The following OPHN1 variants were observed in gnomAD, a reference collection of about 807,000 sequenced individuals.
OPHN1 encodes oligophrenin-1.
A neutral mutation model predicts 60.7 loss-of-function variants in OPHN1; 11 were observed. That is an observed-to-expected ratio of 0.18 (90% CI 0.11 to 0.30). The LOEUF (loss-of-function observed/expected upper bound fraction) is 0.30. OPHN1 is among the 10% of genes least tolerant of loss of function. The probability of loss-of-function intolerance (pLI) is 1.00; values close to 1 mark genes in which losing one functional copy is unlikely to be tolerated. For synonymous variants in OPHN1, 226 were observed against 222.6 expected, an observed-to-expected ratio of 1.02 and a Z score of -0.14; for missense variants, 449 against 611.0, an observed-to-expected ratio of 0.73 and a Z score of 2.80.
intron 5 of OPHN1, among the ~76,000 whole-genome samples, chrX:68,241,437 C>T (rs1490331149): frequency 1.8e-5 from 2 of 111,479 alleles, no homozygotes; most frequent in Admixed American, 9.5e-5. Context: ...TGTAATGGAA[C>T]ATTATGAGTC....
At chrX:68,093,698 C>T (rs2077027141) in intron 19 of OPHN1, among the ~76,000 whole-genome samples, 1 of 111,399 alleles carries the variant, frequency 9.0e-6, no homozygotes, top group African/African-American at 3.3e-5. Context: ...AACATCTTTT[C>T]ATATACTTAA....
chrX:68,374,934 A>G (rs2078548716), intron 2 of OPHN1, among the ~76,000 whole-genome samples: 1 of 112,144 alleles, frequency 8.9e-6, no homozygotes, highest in African/African-American at 3.2e-5. Context: ...CTTCACACCT[A>G]TTAGCAAGGC....
At chrX:68,071,726 G>A in intron 20 of OPHN1, 1 of 495,021 alleles carries the variant, frequency 2.0e-6, no homozygotes, top group Non-Finnish European at 3.7e-6. Flanking sequence ...GCTGCCCTTT[G>A]ACGTCTGGTT....
chrX:68,193,076 T>C (rs1725088959), intron 14 of OPHN1, 83 bp from the exon 15 acceptor site: 3 of 719,263 alleles, frequency 4.2e-6, no homozygotes, highest in Non-Finnish European at 2.2e-6. Flanking sequence ...TCAATTCAGA[T>C]AGGAAGGGGT....
chrX:68,397,355 T>C (rs2078689912), intron 2 of OPHN1, among the ~76,000 whole-genome samples: 1 of 109,675 alleles, frequency 9.1e-6, no homozygotes, highest in African/African-American at 3.3e-5. Flanking sequence ...ATTAACTTTT[T>C]CAATTGCAAC....
At chrX:68,209,040 C>T (rs959096275) in intron 9 of OPHN1, among the ~76,000 whole-genome samples, 2 of 112,294 alleles carry the variant, frequency 1.8e-5, no homozygotes, top group African/African-American at 6.5e-5. Context: ...AATTTCACTA[C>T]CGTAGTGTCA....
rs762257919 is a variant in OPHN1, at chrX:68,097,047, G to C, written c.1527-18C>G. 4.2e-6 allele frequency: 5 copies of C among 1,198,433 alleles called. No homozygotes were observed. In the South Asian group the frequency reaches 9.1e-5, roughly 22 times the overall value. ...CACACACACTGCCAGAAGAAAAGGG[G>C]CAAGATTAACAAAATTTGCTCCAGT... On this transcript the variant is annotated intron_variant, in intron 18 of 24. Coordinates refer to ENST00000355520, the MANE Select transcript of OPHN1 (RefSeq NM_002547.3).
At chrX:68,336,045 C>T (rs778776105) in intron 2 of OPHN1, among the ~76,000 whole-genome samples, 14 of 111,234 alleles carry the variant, frequency 1.3e-4, no homozygotes, top group Middle Eastern at 4.6e-3. Context: ...GTGAGAGAGT[C>T]CTCTGCTAGT....
At chrX:68,377,170 C>A (rs2078562990) in intron 2 of OPHN1, among the ~76,000 whole-genome samples, 1 of 105,357 alleles carries the variant, frequency 9.5e-6, no homozygotes, top group Non-Finnish European at 1.9e-5. Context: ...GATCTCAGCT[C>A]ACTGTAAGCT....
intron 2 of OPHN1, among the ~76,000 whole-genome samples, chrX:68,361,768 G>T (rs2078474189): frequency 9.0e-6 from 1 of 111,314 alleles, no homozygotes; most frequent in East Asian, 2.8e-4. Context: ...ATTTCCTTTG[G>T]ATAGTTCTAT....
At chrX:68,268,271 G>C (rs1207199819) in intron 5 of OPHN1, among the ~76,000 whole-genome samples, 3 of 111,444 alleles carry the variant, frequency 2.7e-5, no homozygotes, top group Non-Finnish European at 5.6e-5. Flanking sequence ...ACCAAAGCCA[G>C]GCAGAGACAC....
rs537313701 is a variant in OPHN1 at position 68,343,881 on chromosome X, C to T, written c.155-44785G>A. 3.6e-5 allele frequency among the ~76,000 whole-genome samples: 4 copies of T among 111,742 alleles called. No individual in the cohort carries two copies. The South Asian group carries it at 1.5e-3, about 42-fold the overall frequency. ...AAATAAAAAGAACCCTCCCTTGATCCCTCAACCCAATGCAACTACTGATCT... is the reference window on the plus strand; with the variant it reads ...AAATAAAAAGAACCCTCCCTTGATCTCTCAACCCAATGCAACTACTGATCT... On this transcript the variant is annotated intron_variant, in intron 2 of 24. Coordinates refer to ENST00000355520, the MANE Select transcript of OPHN1 (RefSeq NM_002547.3).
intron 2 of OPHN1, among the ~76,000 whole-genome samples, chrX:68,391,431 A>G (rs1453877438): frequency 9.0e-6 from 1 of 111,326 alleles, no homozygotes; most frequent in Non-Finnish European, 1.9e-5. Flanking sequence ...AGGGGCATTC[A>G]GTAAAGCATA....
chrX:68,430,165 A>G (rs1227514536), intron 2 of OPHN1, among the ~76,000 whole-genome samples: 1 of 112,589 alleles, frequency 8.9e-6, no homozygotes, highest in Admixed American at 9.4e-5. Context: ...GAGCAAGAAC[A>G]TAACTTTGTT....
chrX:68,411,270 T>C (rs907410331), intron 2 of OPHN1, among the ~76,000 whole-genome samples: 3 of 111,992 alleles, frequency 2.7e-5, no homozygotes, highest in Admixed American at 9.5e-5. Flanking sequence ...GTACAATAGG[T>C]AGTTTTTCAA....
At chrX:68,167,680 T>C (rs749533879) in intron 15 of OPHN1, among the ~76,000 whole-genome samples, 7 of 100,158 alleles carry the variant, frequency 7.0e-5, no homozygotes, top group African/African-American at 2.8e-4. Flanking sequence ...TGCATACACA[T>C]GTATATATGT....
At chrX:68,401,507 T>C (rs2078714580) in intron 2 of OPHN1, among the ~76,000 whole-genome samples, 2 of 112,370 alleles carry the variant, frequency 1.8e-5, no homozygotes, top group African/African-American at 6.5e-5. Context: ...AGTAACGCAA[T>C]TGTACAGTAA....
chrX:68,083,113 C>T (rs1467235574), intron 19 of OPHN1, among the ~76,000 whole-genome samples: 6 of 80,546 alleles, frequency 7.4e-5, no homozygotes, highest in Admixed American at 1.6e-4. Flanking sequence ...TCGCCCAGGC[C>T]GGACTGCGGA....
chrX:68,110,620 G>C (rs1319867048), intron 18 of OPHN1, among the ~76,000 whole-genome samples: 1 of 111,889 alleles, frequency 8.9e-6, no homozygotes, highest in Non-Finnish European at 1.9e-5. Context: ...CTCCTCCAGG[G>C]CAACTTTAAA....
Sources: gnomAD v4.1 joint callset for allele counts (sites outside exome capture counted in the v4.1 genomes callset) on GRCh38, gnomAD v4.1.1 for gene constraint, MANE v1.5 for transcripts, NCBI Gene and HGNC (gene_info 2026-07-23, HGNC 2026-07-21) for gene names.